The following PRPF8 variants were observed in gnomAD, a reference collection of about 807,000 sequenced individuals.
The protein encoded by PRPF8 is pre-mRNA-processing-splicing factor 8.
Under a neutral mutation model 285.9 loss-of-function variants are expected in PRPF8, and 64 were observed. The ratio of observed to expected loss-of-function variants is 0.22; its 90% CI spans 0.18 to 0.28. The LOEUF (loss-of-function observed/expected upper bound fraction) is 0.28, where lower values mean the gene tolerates loss of function less well. PRPF8 is among the 10% of genes least tolerant of loss of function. The pLI is 1.00. For synonymous variants in PRPF8, 1,325 were observed against 1,118.2 expected (o/e 1.18, Z -3.69); for missense variants, 1,426 against 3,026.7 (o/e 0.47, Z 12.41).
intron 20 of PRPF8, 39 bp from the exon 21 acceptor site, chr17:1,674,719 A>G (rs1912519737): frequency 6.3e-7 from 1 of 1,584,364 alleles, no homozygotes; most frequent in East Asian, 2.2e-5. Context: ...AATGTGAGCC[A>G]TGCCCCAGGA....
intron 24 of PRPF8, among the ~76,000 whole-genome samples, chr17:1,666,165 CAAA>C (rs60402650): frequency 1.6e-5 from 2 of 121,304 alleles, no homozygotes; most frequent in Admixed American, 9.0e-5. Flanking sequence ...GACTCTGTCT[CAAA>C]AAAAAAAAAA....
chr17:1,681,136 T>C (rs1404135025), intron 6 of PRPF8, 82 bp from the exon 7 acceptor site: 24 of 1,451,466 alleles, frequency 1.7e-5, no homozygotes, highest in Non-Finnish European at 2.3e-5. Flanking sequence ...TGGAATGCAA[T>C]GGCATGATCA....
chr17:1,679,267 C>A lies in PRPF8; in HGVS notation c.1409+24G>T, dbSNP rs756200134. 1.9e-6 allele frequency: 3 copies of A among 1,614,044 alleles called. No homozygotes were observed. Among genetic ancestry groups the A allele is most frequent in the African/African-American group, 2.7e-5 (2 of 74,908 alleles). On this transcript the variant is annotated intron_variant, in intron 10 of 42. Coordinates refer to ENST00000304992, the MANE Select transcript of PRPF8 (RefSeq NM_006445.4). This position sits in a 1 kb window ranked among gnomAD's most constrained non-coding sequence, Gnocchi z 4.7. ...CTGATATCTCTGGAACAGAAGTCTG[C>A]GCAGGGCCCCTGGGGCACCTTACCT...
At chr17:1,668,406 G>C (rs1912116238) in intron 24 of PRPF8, among the ~76,000 whole-genome samples, 1 of 139,090 alleles carries the variant, frequency 7.2e-6, no homozygotes, top group Non-Finnish European at 1.5e-5. Context: ...CTGTCACCCA[G>C]GCTGGAGTGC....
At chr17:1,671,834 G>C (rs1384853004) in intron 24 of PRPF8, among the ~76,000 whole-genome samples, 1 of 124,666 alleles carries the variant, frequency 8.0e-6, no homozygotes, top group Non-Finnish European at 1.6e-5. Flanking sequence ...CTGGGTGACA[G>C]AGCAAGACTC....
intron 30 of PRPF8, 34 bp downstream of exon 30, chr17:1,660,398 T>C (rs1192630040): frequency 6.8e-6 from 11 of 1,612,870 alleles, no homozygotes; most frequent in Middle Eastern, 3.8e-4. Context: ...GAGCTGACTC[T>C]CTACAGTACC....
intron 24 of PRPF8, among the ~76,000 whole-genome samples, chr17:1,662,621 GCC>G (rs1793035802): frequency 6.6e-6 from 1 of 150,804 alleles, no homozygotes; most frequent in Admixed American, 6.6e-5. Context: ...GTTCCCCTGG[GCC>G]AGGTGTGGTG....
intron 34 of PRPF8, among the ~76,000 whole-genome samples, chr17:1,657,764 C>T (rs973599402): frequency 1.2e-4 from 18 of 148,358 alleles, no homozygotes; most frequent in South Asian, 4.3e-4. Context: ...GTCAGGAGAT[C>T]GAGACCATCC....
In PRPF8 at chr17:1,651,176, AG is replaced by A; in HGVS notation, c.6784del (p.Leu2262CysfsTer31). On this transcript the variant is annotated frameshift_variant, in exon 42 of 43. Coordinates refer to ENST00000304992, the MANE Select transcript of PRPF8 (RefSeq NM_006445.4). LOFTEE classifies it high-confidence loss of function. This position sits in a 1 kb window ranked among gnomAD's most constrained non-coding sequence, Gnocchi z 5.1. ...LPSHYERVQMLLSDRFLGFFM... is the reference protein window; with the variant it reads ...LPSHYERVQMXLSDRFLGFFM... ...GAAGCCAAGGAAACGGTCCGACAGC[AG>A]CATCTGCACCCTCTCATAGTGTGAA... is the stretch of plus-strand genomic sequence containing the variant. The A allele has an allele frequency of 6.2e-7, 1 of 1,614,216 alleles. No homozygotes were observed.
chr17:1,670,206 C>T (rs115201735), intron 24 of PRPF8, among the ~76,000 whole-genome samples: 2,003 of 152,194 alleles, frequency 0.013, 48 homozygotes, highest in African/African-American at 0.046. Flanking sequence ...TAAATAAATA[C>T]CTGGGGAAAT....
chr17:1,679,428 C>G lies in PRPF8; in HGVS notation c.1290-18G>C, dbSNP rs370889253. The G allele has an allele frequency of 1.0e-4, 162 of 1,612,240 alleles. No individual in the cohort carries two copies. The highest frequency in any genetic ancestry group is 1.3e-4 in the Non-Finnish European group (154 of 1,180,014). The stretch of plus-strand genomic sequence containing the variant: ...CCCGATACCTGGAAAAATAAGCCCA[C>G]CAGAGTTTGGCCATCTCTTCTTCCA... On this transcript the variant is annotated intron_variant, in intron 9 of 42. Coordinates refer to ENST00000304992, the MANE Select transcript of PRPF8 (RefSeq NM_006445.4). The surrounding 1 kb of genome is among the most constrained non-coding windows in gnomAD (Gnocchi z 4.7).
At position 1,658,849 on chromosome 17, in the gene PRPF8, A is replaced by C. The variant is rs1372989724; in HGVS notation, c.5139-86T>G. On this transcript the variant is annotated intron_variant, in intron 32 of 42. Coordinates refer to ENST00000304992, the MANE Select transcript of PRPF8 (RefSeq NM_006445.4). This position sits in a 1 kb window ranked among gnomAD's most constrained non-coding sequence, Gnocchi z 4.1. ...AAGCTGCCAACTCTACAGAGGAAGA[A>C]AGACTGTTCGCCAGGCTGACAACAC... 8.3e-7 allele frequency: 1 copy of C among 1,202,026 alleles called. No homozygotes were observed. Among genetic ancestry groups the C allele is most frequent in the African/African-American group, 1.5e-5 (1 of 66,664 alleles). The allele number at this position is 1,202,026 out of a possible 1,614,324, so 74.5% of individuals were successfully genotyped here. A position where few individuals can be genotyped will look rare whatever the true frequency, so the allele number is the denominator to read the frequency against.
chr17:1,665,983 G>A (rs564475484), intron 24 of PRPF8, among the ~76,000 whole-genome samples: 4 of 54,518 alleles, frequency 7.3e-5, no homozygotes, highest in Non-Finnish European at 1.3e-4. Context: ...CAAACACGGT[G>A]AAACCGCGTC....
chr17:1,684,076 G>T (rs542897032), intron 2 of PRPF8, among the ~76,000 whole-genome samples: 1 of 151,922 alleles, frequency 6.6e-6, no homozygotes, highest in South Asian at 2.1e-4. Flanking sequence ...TCGTAGAGAC[G>T]AGGTTTCACT....
At position 1,677,192 on chromosome 17, in the gene PRPF8, A is replaced by C; in HGVS notation, c.1985-20T>G. On this transcript the variant is annotated intron_variant, in intron 14 of 42. Coordinates refer to ENST00000304992, the MANE Select transcript of PRPF8 (RefSeq NM_006445.4). ...GTCGACCTGGAAGTAGAGTGTCCCA[A>C]GGGGATTACAAGGAAGATTCCTTGC... 8 of 1,610,506 alleles carry C rather than the reference A, an allele frequency of 5.0e-6. No individual in the cohort carries two copies. The highest frequency in any genetic ancestry group is 6.8e-6 in the Non-Finnish European group (8 of 1,178,486).
At chr17:1,680,343 T>C (rs1297602974) in intron 8 of PRPF8, 7 of 340,422 alleles carry the variant, frequency 2.1e-5, no homozygotes, top group Admixed American at 4.7e-5. Flanking sequence ...TCAAATTGCA[T>C]GTCGTGACAG....
chr17:1,666,983 A>G (rs1288503345), intron 24 of PRPF8, among the ~76,000 whole-genome samples: 1 of 151,854 alleles, frequency 6.6e-6, no homozygotes, highest in Non-Finnish European at 1.5e-5. Flanking sequence ...GACCAGCCTG[A>G]CCAACATGGT....
Position 1,651,772 on chromosome 17 carries a change from T to C in PRPF8, c.6386A>G (p.Tyr2129Cys). The C allele has an allele frequency of 6.2e-7, 1 of 1,614,072 alleles. No homozygotes were observed. The part of the protein sequence containing the change: ...DLRAQIAGYL[Y>C]GVSPPDNPQV... ...GGGGTTATCTGGTGGGCTCACCCCATATAGGTATCCTGCAATCTGGAGACA... is the reference window on the plus strand; with the variant it reads ...GGGGTTATCTGGTGGGCTCACCCCACATAGGTATCCTGCAATCTGGAGACA... The change falls in exon 40 of 43, where the codon TAT (tyrosine) becomes TGT (cysteine). Residue 2129 changes from tyrosine to cysteine, a missense_variant. By Grantham distance (194) the Tyr-to-Cys change is radical. Transcript: ENST00000304992. This position sits in a 1 kb window ranked among gnomAD's most constrained non-coding sequence, Gnocchi z 5.1.
intron 24 of PRPF8, among the ~76,000 whole-genome samples, chr17:1,662,748 T>C (rs1243896735): frequency 2.0e-5 from 3 of 150,074 alleles, no homozygotes; most frequent in South Asian, 2.1e-4. Flanking sequence ...AATACAGAAA[T>C]TGAACCCAGG....
Sources: allele counts gnomAD v4.1 joint callset (sites outside exome capture counted in the v4.1 genomes callset), GRCh38; gene constraint gnomAD v4.1.1; non-coding constraint Gnocchi (gnomAD v3.1); transcripts MANE v1.5; gene names NCBI Gene and HGNC (gene_info 2026-07-23, HGNC 2026-07-21).